MAD2L2: variants seen among roughly 807,000 people sequenced by gnomAD.
The protein encoded by MAD2L2 is mitotic spindle assembly checkpoint protein MAD2B.
In MAD2L2, 17 loss-of-function variants were observed where a neutral mutation model predicts 30.5. The observed-to-expected ratio is 0.56, with a 90% CI of 0.38 to 0.84. The LOEUF (loss-of-function observed/expected upper bound fraction) is 0.84, where lower values mean the gene tolerates loss of function less well. Among genes scored for constraint, MAD2L2 ranks in the 40% least tolerant of loss-of-function variants. The pLI is 0.00. For synonymous variants in MAD2L2, 101 were observed against 113.9 expected (o/e 0.89, Z 0.72); for missense variants, 213 against 277.4 (o/e 0.77, Z 1.65).
intron 3 of MAD2L2, among the ~76,000 whole-genome samples, chr1:11,679,576 G>A (rs936508991): frequency 6.0e-5 from 9 of 148,906 alleles, no homozygotes; most frequent in African/African-American, 2.3e-4. Flanking sequence ...GCCCAGGCTG[G>A]AGTGCAGTGG....
intron 3 of MAD2L2, among the ~76,000 whole-genome samples, chr1:11,678,937 G>A (rs1201085215): frequency 6.6e-6 from 1 of 152,234 alleles, no homozygotes; most frequent in African/African-American, 2.4e-5. Flanking sequence ...GCCAAGGCAG[G>A]TGGATCACCA....
At position 11,687,268 on chromosome 1, in the gene MAD2L2, C is replaced by T. The variant is rs1640976128; in HGVS notation, c.-692+4145G>A. On this transcript the variant is annotated intron_variant, in intron 1 of 10. Coordinates refer to the MAD2L2 transcript ENST00000235310. This position sits in a 1 kb window ranked among gnomAD's most constrained non-coding sequence, Gnocchi z 4.1. ...ATTTATTTCTTTTTTGAGACGGAGT[C>T]TCTCTCTGCCACCCAGGCTGGAGGG... Among the ~76,000 whole-genome samples the T allele has an allele frequency of 6.6e-6, 1 of 152,100 alleles. No individual in the cohort carries two copies. The highest frequency in any genetic ancestry group is 1.5e-5 in the Non-Finnish European group (1 of 68,024).
In MAD2L2 at chr1:11,674,829, A is replaced by G. The variant is rs749249423; in HGVS notation, c.595-13T>C. ...CGTAAAGCTGCATCTGACGGACACA[A>G]GCAAACAGCCACAGTCAGCAAGACA... On this transcript the variant is annotated splice_polypyrimidine_tract_variant and intron_variant, in intron 8 of 8. Transcript: ENST00000376692. The surrounding 1 kb of genome is among the most constrained non-coding windows in gnomAD (Gnocchi z 6.1). 4.3e-6 allele frequency: 7 copies of G among 1,613,672 alleles called. No homozygotes were observed. Among genetic ancestry groups the G allele is most frequent in the Admixed American group, 3.3e-5 (2 of 60,016 alleles).
At chr1:11,676,201 A>C (rs981145683) in intron 5 of MAD2L2, 61 bp from the exon 6 acceptor site, 2 of 1,140,926 alleles carry the variant, frequency 1.8e-6, no homozygotes, top group African/African-American at 3.1e-5. Flanking sequence ...ACAGGCATCA[A>C]GCCTGGATGC....
upstream of MAD2L2, chr1:11,681,442 G>A (rs1640879069): frequency 6.6e-6 from 1 of 152,328 alleles, no homozygotes; most frequent in Non-Finnish European, 1.5e-5. Context: ...AAGAGGGCTG[G>A]GGAGGGACGG....
chr1:11,674,536 C>T lies in MAD2L2; in HGVS notation c.*239G>A, dbSNP rs944146985. On this transcript the variant is annotated 3_prime_UTR_variant, in exon 9 of 9. Transcript: ENST00000376692. This position sits in a 1 kb window ranked among gnomAD's most constrained non-coding sequence, Gnocchi z 6.1. ...ACAACTCACAGCACAGTATTTGAGA[C>T]AGACAGTGTTGGCCGGCGGAACCCC... is the stretch of plus-strand genomic sequence containing the variant. 1.9e-6 allele frequency: 1 copy of T among 530,302 alleles called. No individual in the cohort carries two copies. Among genetic ancestry groups the T allele is most frequent in the Non-Finnish European group, 3.4e-6 (1 of 293,302 alleles). The allele number at this position is 530,302 out of a possible 1,614,324, so 32.8% of individuals were successfully genotyped here.
At chr1:11,675,297 T>C (rs1342121439) in intron 7 of MAD2L2, 123 bp from the exon 8 acceptor site, 2 of 665,580 alleles carry the variant, frequency 3.0e-6, no homozygotes, top group East Asian at 2.8e-5. Flanking sequence ...TAGGAAGCTG[T>C]TGGTGATGCA....
intron 1 of MAD2L2, chr1:11,691,358 C>G (rs1315841245): frequency 6.6e-6 from 1 of 152,260 alleles, no homozygotes; most frequent in Non-Finnish European, 1.5e-5. Flanking sequence ...CCACAACTGC[C>G]GGAGCCCCTC....
chr1:11,675,915 C>T, intron 6 of MAD2L2, 131 bp downstream of exon 6: 1 of 920,732 alleles, frequency 1.1e-6, no homozygotes, highest in Non-Finnish European at 1.8e-6. Context: ...GGGAAGCTTC[C>T]CAGAGGAGGT....
upstream of MAD2L2, among the ~76,000 whole-genome samples, chr1:11,685,271 T>G (rs1045975716): frequency 9.2e-5 from 14 of 152,090 alleles, no homozygotes; most frequent in African/African-American, 3.4e-4. Flanking sequence ...AATGAGTGAA[T>G]GAAAGAATGA....
chr1:11,683,758 G>C (rs1167190066), upstream of MAD2L2, among the ~76,000 whole-genome samples: 1 of 152,066 alleles, frequency 6.6e-6, no homozygotes, highest in Non-Finnish European at 1.5e-5. Flanking sequence ...GATCACCTGA[G>C]GTCAGGAGTT....
chr1:11,674,984 C>A lies in MAD2L2; in HGVS notation c.594+98G>T. ...AGGAGCCCTCCACCAGGCACTCCCC[C>A]GTTCTCTCCCGCAAGCCCTCTAGTA... On this transcript the variant is annotated intron_variant, in intron 8 of 8. Coordinates refer to ENST00000376692, the MANE Select transcript of MAD2L2 (RefSeq NM_006341.4). This position sits in a 1 kb window ranked among gnomAD's most constrained non-coding sequence, Gnocchi z 6.1. 3.9e-6 allele frequency: 5 copies of A among 1,277,046 alleles called. No individual in the cohort carries two copies. The highest frequency in any genetic ancestry group is 2.0e-5 in the Admixed American group (1 of 50,630). 79.1% of individuals were successfully genotyped at this position (1,277,046 alleles called of 1,614,324 possible).
chr1:11,691,022 C>A (rs1366979218), intron 1 of MAD2L2, among the ~76,000 whole-genome samples: 1 of 152,174 alleles, frequency 6.6e-6, no homozygotes, highest in East Asian at 1.9e-4. Context: ...GCGCCGTCAG[C>A]GCCCCAGGTG....
In MAD2L2 at chr1:11,687,488, C is replaced by T. The variant is rs1640979959; in HGVS notation, c.-692+3925G>A. ...CTCCTGACCTCAGGTGACCCACCTA[C>T]CTTGGCCTCCCAAAGTGTTGGGATG... is the stretch of plus-strand genomic sequence containing the variant. On this transcript the variant is annotated intron_variant, in intron 1 of 10. Coordinates refer to the MAD2L2 transcript ENST00000235310. The surrounding 1 kb of genome is among the most constrained non-coding windows in gnomAD (Gnocchi z 4.1). Among the ~76,000 whole-genome samples, 1 of 152,226 alleles carries T rather than the reference C, an allele frequency of 6.6e-6. No homozygotes were observed. The highest frequency in any genetic ancestry group is 1.5e-5 in the Non-Finnish European group (1 of 68,044).
intron 4 of MAD2L2, 138 bp from the exon 5 acceptor site, chr1:11,677,086 A>G: frequency 2.8e-6 from 2 of 711,238 alleles, no homozygotes; most frequent in Non-Finnish European, 4.9e-6. Flanking sequence ...GGGGGTCCCC[A>G]AGAGGCCAGA....
upstream of MAD2L2, among the ~76,000 whole-genome samples, chr1:11,682,849 T>C (rs1570292488): frequency 6.6e-6 from 1 of 152,196 alleles, no homozygotes; most frequent in Non-Finnish European, 1.5e-5. Context: ...ACTGGTGCAC[T>C]TGGCAGCACA....
rs1309441293 is a variant in MAD2L2 at position 11,688,691 on chromosome 1, G to A, written c.-692+2722C>T. ...GCCTTTGCAGGCTCACATTGTTAGA[G>A]GTGTCTGAACCAGAGCAACCCCATC... is the stretch of plus-strand genomic sequence containing the variant. On this transcript the variant is annotated intron_variant, in intron 1 of 10. Transcript: ENST00000235310. This position sits in a 1 kb window ranked among gnomAD's most constrained non-coding sequence, Gnocchi z 4.6. Among the ~76,000 whole-genome samples, 1 of 152,178 alleles carries A rather than the reference G, an allele frequency of 6.6e-6. No homozygotes were observed. Among genetic ancestry groups the A allele is most frequent in the East Asian group, 1.9e-4 (1 of 5,198 alleles).
At chr1:11,686,670 T>G (rs1036697497) in intron 1 of MAD2L2, among the ~76,000 whole-genome samples, 6 of 152,162 alleles carry the variant, frequency 3.9e-5, no homozygotes, top group African/African-American at 7.2e-5. Context: ...GCCAAAGTGT[T>G]GGGATTACAG....
chr1:11,679,699 G>A (rs1330042964), intron 3 of MAD2L2, among the ~76,000 whole-genome samples: 1 of 152,050 alleles, frequency 6.6e-6, no homozygotes, highest in Admixed American at 6.5e-5. Context: ...GCTAATTTTT[G>A]TATTTTTAGT....
Sources: allele counts gnomAD v4.1 joint callset (sites outside exome capture counted in the v4.1 genomes callset), GRCh38; gene constraint gnomAD v4.1.1; non-coding constraint Gnocchi (gnomAD v3.1); transcripts MANE v1.5; gene names NCBI Gene and HGNC (gene_info 2026-07-23, HGNC 2026-07-21).